PKNOX2: variants seen among roughly 807,000 people sequenced by gnomAD.
PKNOX2 encodes PBX/knotted 1 homeobox 2, also known as homeobox protein PKNOX2.
Under a neutral mutation model 53.1 loss-of-function variants are expected in PKNOX2, and 14 were observed. The ratio of observed to expected loss-of-function variants is 0.26; its 90% confidence interval spans 0.17 to 0.41. PKNOX2 has a LOEUF of 0.41. PKNOX2 is among the 10% of genes least tolerant of loss of function. PKNOX2 has a pLI of 1.00. For missense variants in PKNOX2, 496 were observed against 602.8 expected (o/e 0.82, Z 1.85); for synonymous variants, 257 against 242.8 (o/e 1.06, Z -0.54).
At chr11:125,374,207 G>A (rs1474334752) in intron 5 of PKNOX2, among the ~76,000 whole-genome samples, 1 of 152,180 alleles carries the variant, frequency 6.6e-6, no homozygotes, top group Non-Finnish European at 1.5e-5. Flanking sequence ...TTCCTGGAAT[G>A]TGCTGGGTGA....
chr11:125,210,669 G>A (rs1300867502), intron 1 of PKNOX2, among the ~76,000 whole-genome samples: 2 of 152,068 alleles, frequency 1.3e-5, no homozygotes, highest in East Asian at 1.9e-4. Flanking sequence ...GGGTTTCCTG[G>A]AACACAGGAA....
At chr11:125,230,323 A>C (rs578047903) in intron 1 of PKNOX2, among the ~76,000 whole-genome samples, 3 of 152,374 alleles carry the variant, frequency 2.0e-5, no homozygotes, top group Non-Finnish European at 4.4e-5. Context: ...GTCAGGGGCC[A>C]CAGTGCCTGA....
intron 5 of PKNOX2, among the ~76,000 whole-genome samples, chr11:125,382,930 T>C (rs1953350461): frequency 6.6e-6 from 1 of 152,194 alleles, no homozygotes; most frequent in African/African-American, 2.4e-5. Flanking sequence ...CCTTAAATAT[T>C]GACCCTTTTT....
At chr11:125,303,077 G>T (rs898025181) in intron 2 of PKNOX2, among the ~76,000 whole-genome samples, 1 of 152,122 alleles carries the variant, frequency 6.6e-6, no homozygotes, top group African/African-American at 2.4e-5. Context: ...CTGTTCCCAT[G>T]CTGGGTGCTG....
At chr11:125,188,101 C>T (rs1956564869) in intron 1 of PKNOX2, 1 of 152,178 alleles carries the variant, frequency 6.6e-6, no homozygotes, top group South Asian at 2.1e-4. Flanking sequence ...ATTATTAACA[C>T]CCCCATTTTA....
At chr11:125,257,147 T>C (rs79360546) in intron 2 of PKNOX2, among the ~76,000 whole-genome samples, 3,561 of 152,308 alleles carry the variant, frequency 0.023, 120 homozygotes, top group African/African-American at 0.073. Flanking sequence ...AATTCCTGAT[T>C]TGGGGACTGT....
At chr11:125,223,762 T>G (rs1941435073) in intron 1 of PKNOX2, among the ~76,000 whole-genome samples, 1 of 152,186 alleles carries the variant, frequency 6.6e-6, no homozygotes, top group South Asian at 2.1e-4. Flanking sequence ...TTATACTACG[T>G]TGGATCTATG....
intron 3 of PKNOX2, among the ~76,000 whole-genome samples, chr11:125,339,224 G>C (rs967265465): frequency 1.3e-5 from 2 of 152,174 alleles, no homozygotes; most frequent in Admixed American, 6.5e-5. Flanking sequence ...TGCCTCAGAG[G>C]ATGTGGGTAA....
chr11:125,409,490 A>C lies in PKNOX2; in HGVS notation c.589-706A>C, dbSNP rs576967916. On this transcript the variant is annotated intron_variant, in intron 7 of 12. Transcript: ENST00000298282. ...CGAAGGTGGCTGAGGCTCATATGAG[A>C]CACCCTTAGAAGACAGGTTATGGGA... Among the ~76,000 whole-genome samples, 19 of 152,200 alleles carry C rather than the reference A, an allele frequency of 1.2e-4. No individual in the cohort carries two copies. The East Asian group carries it at 3.7e-3, about 29-fold the overall frequency.
At chr11:125,213,208 T>G (rs1338339320) in intron 1 of PKNOX2, among the ~76,000 whole-genome samples, 1 of 152,024 alleles carries the variant, frequency 6.6e-6, no homozygotes, top group African/African-American at 2.4e-5. Flanking sequence ...GCCCCAAGTT[T>G]CTTCACATCT....
At chr11:125,189,479 A>G (rs1591474925) in intron 1 of PKNOX2, among the ~76,000 whole-genome samples, 3 of 127,808 alleles carry the variant, frequency 2.3e-5, no homozygotes, top group Non-Finnish European at 3.3e-5. Context: ...ATATATATAT[A>G]TATATATATA....
intron 3 of PKNOX2, among the ~76,000 whole-genome samples, chr11:125,334,006 G>A (rs1434617348): frequency 6.6e-6 from 1 of 152,186 alleles, no homozygotes; most frequent in Admixed American, 6.5e-5. Context: ...CTCCCCCAGA[G>A]TCAGGGCTCA....
At chr11:125,406,466 T>C (rs146749231) in intron 7 of PKNOX2, among the ~76,000 whole-genome samples, 163 of 152,320 alleles carry the variant, frequency 1.1e-3, no homozygotes, top group African/African-American at 3.7e-3. Context: ...CTCAAGTGGC[T>C]TGAAGGCTTC....
chr11:125,393,108 C>T (rs544527035), intron 6 of PKNOX2, among the ~76,000 whole-genome samples: 2 of 146,860 alleles, frequency 1.4e-5, no homozygotes, highest in African/African-American at 5.1e-5. Flanking sequence ...TGCAGTGAGT[C>T]GAGATCGCGC....
chr11:125,411,596 G>A (rs1187288139), intron 9 of PKNOX2, 150 bp from the exon 10 acceptor site: 2 of 1,179,520 alleles, frequency 1.7e-6, no homozygotes, highest in African/African-American at 1.5e-5. Context: ...GGGCTGGCAT[G>A]GGCTGAGAGG....
At chr11:125,282,724 T>G (rs138672751) in intron 2 of PKNOX2, among the ~76,000 whole-genome samples, 1 of 152,370 alleles carries the variant, frequency 6.6e-6, no homozygotes, top group Non-Finnish European at 1.5e-5. Context: ...TTTAGACTAG[T>G]GCTGTCCAGT....
chr11:125,347,056 A>C (rs1951019461), intron 3 of PKNOX2, among the ~76,000 whole-genome samples: 1 of 152,156 alleles, frequency 6.6e-6, no homozygotes, highest in South Asian at 2.1e-4. Context: ...ACTTGACCAG[A>C]GGGAGTGGGC....
At chr11:125,179,482 C>T (rs1956030932) in intron 1 of PKNOX2, among the ~76,000 whole-genome samples, 1 of 151,180 alleles carries the variant, frequency 6.6e-6, no homozygotes, top group African/African-American at 2.4e-5. Context: ...AGAAAAATCG[C>T]GTCCCAGGCA....
At chr11:125,296,120 C>G (rs1947640498) in intron 2 of PKNOX2, among the ~76,000 whole-genome samples, 1 of 152,204 alleles carries the variant, frequency 6.6e-6, no homozygotes, top group African/African-American at 2.4e-5. Context: ...CCCAGTCCCA[C>G]TGTCTCCTGC....
Sources: gnomAD v4.1 joint callset for allele counts (sites outside exome capture counted in the v4.1 genomes callset) on GRCh38, gnomAD v4.1.1 for gene constraint, MANE v1.5 for transcripts, NCBI Gene and HGNC (gene_info 2026-07-23, HGNC 2026-07-21) for gene names.